CNTN3: variants seen among roughly 807,000 people sequenced by gnomAD.
The protein encoded by CNTN3 is contactin-3.
In CNTN3, 60 loss-of-function variants were observed where a neutral mutation model predicts 119.1. The ratio of observed to expected loss-of-function variants is 0.50; its 90% confidence interval spans 0.41 to 0.62. CNTN3 has a LOEUF of 0.62. Ranked by LOEUF, CNTN3 falls within the 20% of genes least tolerant of loss-of-function variation. The pLI, the probability that CNTN3 is intolerant of heterozygous loss-of-function variation, is 0.00. For synonymous variants in CNTN3, 450 were observed against 438.7 expected, an observed-to-expected ratio of 1.03 and a Z score of -0.32; for missense variants, 1,101 against 1,242.4, an observed-to-expected ratio of 0.89 and a Z score of 1.71.
chr3:74,539,843 G>A (rs944584838), intron 1 of CNTN3, among the ~76,000 whole-genome samples: 6 of 152,204 alleles, frequency 3.9e-5, no homozygotes, highest in South Asian at 2.1e-4. Context: ...CAGTCCAAAC[G>A]TACAGGCTTT....
chr3:74,463,293 T>A (rs896634667), intron 4 of CNTN3, among the ~76,000 whole-genome samples: 2 of 152,140 alleles, frequency 1.3e-5, no homozygotes, highest in African/African-American at 4.8e-5. Context: ...CCCATAGAGT[T>A]TAGTATCTAT....
At chr3:74,567,423 G>A (rs548810374) in intron 1 of CNTN3, among the ~76,000 whole-genome samples, 1 of 147,278 alleles carries the variant, frequency 6.8e-6, no homozygotes, top group Non-Finnish European at 1.5e-5. Context: ...GGCTCCCAAA[G>A]TGTTGGGATT....
intron 1 of CNTN3, among the ~76,000 whole-genome samples, chr3:74,581,382 A>G (rs1470233570): frequency 6.6e-6 from 1 of 152,214 alleles, no homozygotes; most frequent in Non-Finnish European, 1.5e-5. Context: ...TACTTGCATT[A>G]GCATATAAAA....
chr3:74,347,677 T>C (rs531977297), intron 11 of CNTN3, among the ~76,000 whole-genome samples: 1 of 152,348 alleles, frequency 6.6e-6, no homozygotes, highest in Non-Finnish European at 1.5e-5. Flanking sequence ...CATGTCTGTC[T>C]TATTCACTGT....
chr3:74,405,417 T>G (rs556428557), intron 5 of CNTN3, among the ~76,000 whole-genome samples: 1 of 151,978 alleles, frequency 6.6e-6, no homozygotes, highest in Non-Finnish European at 1.5e-5. Context: ...AACTATAATA[T>G]TTCAGTGCTA....
intron 1 of CNTN3, among the ~76,000 whole-genome samples, chr3:74,549,433 T>C (rs899218088): frequency 1.3e-5 from 2 of 152,140 alleles, no homozygotes; most frequent in East Asian, 1.9e-4. Context: ...AGTGGGAGAA[T>C]GGACTGATAC....
Position 74,344,397 on chromosome 3 carries a change from G to GTTTT in CNTN3, c.1365-7743_1365-7740dup, listed in dbSNP as rs1156579949. Among the ~76,000 whole-genome samples the GTTTT allele has an allele frequency of 1.5e-4, 5 of 32,626 alleles. 2 individuals carry two copies. The highest frequency in any genetic ancestry group is 3.6e-4 in the Non-Finnish European group (5 of 13,924). 21.4% of individuals were successfully genotyped at this position (32,626 alleles called of 152,430 possible). A position where few individuals can be genotyped will look rare whatever the true frequency, so the allele number is the denominator to read the frequency against. The stretch of plus-strand genomic sequence containing the variant: ...AGTTCATTTACAACCTTACACAGTG[G>GTTTT]TTTTTTTTTTTTTTTTTTTTTTTTT... On this transcript the variant is annotated intron_variant, in intron 11 of 22. Coordinates refer to ENST00000263665, the MANE Select transcript of CNTN3 (RefSeq NM_020872.3).
chr3:74,404,980 A>T (rs1705289166), intron 5 of CNTN3, among the ~76,000 whole-genome samples: 2 of 151,994 alleles, frequency 1.3e-5, no homozygotes, highest in African/African-American at 4.8e-5. Context: ...AAATCTCCAT[A>T]GACCAAAATG....
At chr3:74,367,913 A>C (rs969744177) in intron 8 of CNTN3, among the ~76,000 whole-genome samples, 1 of 152,104 alleles carries the variant, frequency 6.6e-6, no homozygotes, top group Non-Finnish European at 1.5e-5. Context: ...AGAAGGAACT[A>C]AGCTAGAGTA....
At chr3:74,301,086 C>T (rs536167360) in intron 16 of CNTN3, among the ~76,000 whole-genome samples, 3 of 152,290 alleles carry the variant, frequency 2.0e-5, no homozygotes, top group South Asian at 4.1e-4. Flanking sequence ...ATGAAAACAG[C>T]ACTTCCCTTG....
intron 1 of CNTN3, among the ~76,000 whole-genome samples, chr3:74,545,299 C>T (rs1703898879): frequency 6.6e-6 from 1 of 152,168 alleles, no homozygotes; most frequent in Admixed American, 6.5e-5. Flanking sequence ...AATTTAGGCT[C>T]TTCAAAACTG....
intron 1 of CNTN3, among the ~76,000 whole-genome samples, chr3:74,572,347 T>C (rs1313638559): frequency 6.6e-6 from 1 of 152,160 alleles, no homozygotes; most frequent in Admixed American, 6.6e-5. Flanking sequence ...CAGCCCATGA[T>C]ACTCCCTGCA....
At chr3:74,587,178 G>T (rs1704607689) in intron 1 of CNTN3, among the ~76,000 whole-genome samples, 1 of 151,992 alleles carries the variant, frequency 6.6e-6, no homozygotes, top group South Asian at 2.1e-4. Flanking sequence ...TGGGAGGTGG[G>T]GGCAGAAGGA....
chr3:74,518,524 G>A (rs1488798104), intron 2 of CNTN3, among the ~76,000 whole-genome samples: 3 of 151,792 alleles, frequency 2.0e-5, no homozygotes, highest in African/African-American at 4.8e-5. Flanking sequence ...TTGCTTACTC[G>A]AAGTGCCACA....
At chr3:74,585,496 G>A (rs1704578357) in intron 1 of CNTN3, among the ~76,000 whole-genome samples, 2 of 152,072 alleles carry the variant, frequency 1.3e-5, no homozygotes, top group Admixed American at 1.3e-4. Context: ...AAGTTTTAGA[G>A]AAGTAAAGTA....
chr3:74,320,784 T>C (rs1455380868), intron 13 of CNTN3, among the ~76,000 whole-genome samples: 1 of 152,188 alleles, frequency 6.6e-6, no homozygotes, highest in East Asian at 1.9e-4. Context: ...GCACAACCTT[T>C]AGAGCACACT....
At chr3:74,319,226 G>A (rs1373704838) in intron 13 of CNTN3, among the ~76,000 whole-genome samples, 1 of 152,100 alleles carries the variant, frequency 6.6e-6, no homozygotes, top group African/African-American at 2.4e-5. Flanking sequence ...TAACCCAAAA[G>A]AACAAAGCCA....
At chr3:74,383,143 T>C (rs1704663506) in intron 5 of CNTN3, among the ~76,000 whole-genome samples, 1 of 152,222 alleles carries the variant, frequency 6.6e-6, no homozygotes. Flanking sequence ...GAAACTTGCC[T>C]TTATTCTACT....
Position 74,302,711 on chromosome 3 carries a change from C to T in CNTN3, c.1765G>A (p.Ala589Thr), listed in dbSNP as rs762612336. ...VQTGVDSVSS[A>T]ADLIVRGSPG... is the part of the protein sequence containing the mutation. The stretch of plus-strand genomic sequence containing the variant: ...TTACCTCTTACTATGAGGTCAGCAG[C>T]AGATGAAACACTGTCCACCCCCGTT... Residue 589 changes from alanine to threonine, a missense_variant, in exon 14 of 23, where the codon GCT (alanine) becomes ACT (threonine). Transcript: ENST00000263665. 8.7e-6 allele frequency: 14 copies of T among 1,611,052 alleles called. 1 individual carries two copies. The South Asian group carries it at 1.5e-4, about 18-fold the overall frequency.
Sources: gnomAD v4.1 joint callset for allele counts (sites outside exome capture counted in the v4.1 genomes callset) on GRCh38, gnomAD v4.1.1 for gene constraint, MANE v1.5 for transcripts, NCBI Gene and HGNC (gene_info 2026-07-23, HGNC 2026-07-21) for gene names.